Variants in SLF2 observed in about 807,000 individuals in gnomAD.
SLF2 encodes the protein SMC5-SMC6 complex localization factor protein 2.
Under a neutral mutation model 124.3 loss-of-function variants are expected in SLF2, and 68 were observed. The observed-to-expected ratio is 0.55, with a 90% CI of 0.45 to 0.67. SLF2 has a LOEUF of 0.67. SLF2 is among the 30% of genes least tolerant of loss of function. SLF2 has a pLI of 0.00. For missense variants in SLF2, 1,246 were observed against 1,373.7 expected (o/e 0.91, Z 1.47); for synonymous variants, 480 against 478.8 (o/e 1.00, Z -0.03).
Position 100,944,129 on chromosome 10 carries a change from G to A in SLF2, c.2757+1G>A, listed in dbSNP as rs1226230264. The A allele has an allele frequency of 1.3e-6, 2 of 1,592,994 alleles. No homozygotes were observed. The highest frequency in any genetic ancestry group is 1.7e-6 in the Non-Finnish European group (2 of 1,163,190). ...AACCAACATTTTAAATGTGGTTAAG[G>A]TAGGAAAGAACTTTTATGTGTCTTC... On this transcript the variant is annotated splice_donor_variant, in intron 12 of 19. Coordinates refer to ENST00000238961, the MANE Select transcript of SLF2 (RefSeq NM_018121.4). LOFTEE classifies it high-confidence loss of function.
intron 4 of SLF2, among the ~76,000 whole-genome samples, chr10:100,923,476 G>GT (rs1015039374): frequency 2.7e-5 from 4 of 149,028 alleles, no homozygotes; most frequent in African/African-American, 9.9e-5. Flanking sequence ...GACACCTTTT[G>GT]TAAGTACACC....
chr10:100,937,673 A>G (rs1849892514), intron 10 of SLF2, among the ~76,000 whole-genome samples, 196 bp downstream of exon 10: 1 of 152,042 alleles, frequency 6.6e-6, no homozygotes, highest in South Asian at 2.1e-4. Flanking sequence ...CAGTGACACA[A>G]TCTCAGCTCA....
intron 1 of SLF2, 59 bp from the exon 2 acceptor site, chr10:100,915,940 T>C: frequency 7.8e-7 from 1 of 1,283,624 alleles, no homozygotes. Context: ...CCATTTAATC[T>C]GAGTTATGAA....
intron 19 of SLF2, 24 bp downstream of exon 19, chr10:100,959,520 A>G: frequency 6.2e-7 from 1 of 1,611,156 alleles, no homozygotes; most frequent in Non-Finnish European, 8.5e-7. Context: ...ATACAATTTC[A>G]TGTATTCTTA....
intron 18 of SLF2, among the ~76,000 whole-genome samples, chr10:100,957,750 T>C (rs1464349814): frequency 6.6e-6 from 1 of 152,122 alleles, no homozygotes; most frequent in Non-Finnish European, 1.5e-5. Flanking sequence ...CTTTTTTTCT[T>C]AAAGGTTTTA....
intron 10 of SLF2, among the ~76,000 whole-genome samples, chr10:100,938,035 C>G (rs562776522): frequency 2.2e-4 from 34 of 152,302 alleles, no homozygotes; most frequent in Middle Eastern, 6.8e-3. Flanking sequence ...TTTACCAAAT[C>G]ATGGCTTACT....
chr10:100,944,303 G>A (rs1053591182), intron 12 of SLF2, among the ~76,000 whole-genome samples, 175 bp downstream of exon 12: 6 of 151,878 alleles, frequency 4.0e-5, no homozygotes, highest in Admixed American at 1.3e-4. Context: ...AGACCATCCT[G>A]GCTAACACGG....
At chr10:100,945,623 A>G in intron 13 of SLF2, 117 bp downstream of exon 13, 1 of 799,506 alleles carries the variant, frequency 1.3e-6, no homozygotes, top group Admixed American at 4.2e-5. Flanking sequence ...TTAAAAATGA[A>G]CTGAGGAAGG....
At chr10:100,922,136 T>C (rs1222279334) in intron 4 of SLF2, among the ~76,000 whole-genome samples, 2 of 152,172 alleles carry the variant, frequency 1.3e-5, no homozygotes, top group Non-Finnish European at 2.9e-5. Context: ...CAGGCTGGAG[T>C]GCAATGGCAC....
intron 9 of SLF2, among the ~76,000 whole-genome samples, chr10:100,933,356 T>C (rs796100082): frequency 6.6e-6 from 1 of 152,224 alleles, no homozygotes; most frequent in Non-Finnish European, 1.5e-5. Flanking sequence ...TTAAACACTT[T>C]CCCTGTGTAA....
intron 6 of SLF2, among the ~76,000 whole-genome samples, chr10:100,928,540 T>C (rs1013225993): frequency 6.6e-6 from 1 of 152,162 alleles, no homozygotes; most frequent in Non-Finnish European, 1.5e-5. Flanking sequence ...ACAGTACATT[T>C]ACTAGTTATT....
Position 100,922,393 on chromosome 10 carries a change from G to C in SLF2, c.974-1582G>C, listed in dbSNP as rs574112213. Among the ~76,000 whole-genome samples the C allele has an allele frequency of 3.2e-4, 48 of 152,204 alleles. No individual in the cohort carries two copies. The South Asian group carries it at 9.9e-3, about 31-fold the overall frequency. ...ATAAGAAATTTTCTAACTAGAGAAG[G>C]GATTGACGGGGTTGTACTTTTCGCA... On this transcript the variant is annotated intron_variant, in intron 4 of 19. Coordinates refer to ENST00000238961, the MANE Select transcript of SLF2 (RefSeq NM_018121.4).
chr10:100,929,753 C>G, intron 7 of SLF2, 77 bp from the exon 8 acceptor site: 1 of 1,173,376 alleles, frequency 8.5e-7, no homozygotes, highest in Non-Finnish European at 1.2e-6. Flanking sequence ...AAATGGTTTT[C>G]TTTGCACCCA....
intron 11 of SLF2, among the ~76,000 whole-genome samples, chr10:100,941,998 T>G (rs1849990664): frequency 6.6e-6 from 1 of 152,208 alleles, no homozygotes; most frequent in Non-Finnish European, 1.5e-5. Context: ...TGTAATATAC[T>G]AACATTTGTA....
In SLF2 at chr10:100,913,176, C is replaced by T. The variant is rs748225384; in HGVS notation, c.66C>T (p.Pro22=). ...FPSSPAPGSS[P]PRCHLRPGST... ...CATCCCCAGCCCCGGGGTCGTCGCC[C>T]CCGCGCTGCCATCTGAGACCCGGTA... Residue 22 remains proline, a synonymous_variant, in exon 1 of 20, where the codon CCC becomes CCT. Coordinates refer to ENST00000238961, the MANE Select transcript of SLF2 (RefSeq NM_018121.4). 3.0e-5 allele frequency: 48 copies of T among 1,613,298 alleles called. No individual in the cohort carries two copies. The highest frequency in any genetic ancestry group is 3.8e-5 in the Non-Finnish European group (45 of 1,179,774).
In SLF2 at chr10:100,947,862, A is replaced by AT. The variant is rs1449757094; in HGVS notation, c.3120+20dup. The AT allele has an allele frequency of 7.0e-6, 11 of 1,567,566 alleles. No homozygotes were observed. In the South Asian group the frequency reaches 1.2e-4, roughly 17 times the overall value. On this transcript the variant is annotated intron_variant, in intron 15 of 19. Coordinates refer to ENST00000238961, the MANE Select transcript of SLF2 (RefSeq NM_018121.4). ...GTAATCTGCAGGTATAAATAAATAC[A>AT]TTTTTATTTTTAATAAATGGGAGAG...
chr10:100,961,988 T>TAATCCTTTC lies in SLF2; in HGVS notation c.*76_*77insAATCCTTTC. The TAATCCTTTC allele has an allele frequency of 7.4e-7, 1 of 1,346,776 alleles. No individual in the cohort carries two copies. The highest frequency in any genetic ancestry group is 1.0e-6 in the Non-Finnish European group (1 of 969,864). The allele number at this position is 1,346,776 out of a possible 1,614,324, so 83.4% of individuals were successfully genotyped here. A position where few individuals can be genotyped will look rare whatever the true frequency, so the allele number is the denominator to read the frequency against. The stretch of plus-strand genomic sequence containing the variant: ...TTTCATAGAGGAGTAGAAAGGATTA[T>TAATCCTTTC]TACAGAATCCAATGAATGCCAAGAA... On this transcript the variant is annotated 3_prime_UTR_variant, in exon 20 of 20. Coordinates refer to ENST00000238961, the MANE Select transcript of SLF2 (RefSeq NM_018121.4).
chr10:100,946,166 C>T (rs1034586508), intron 13 of SLF2, among the ~76,000 whole-genome samples: 1 of 151,994 alleles, frequency 6.6e-6, no homozygotes, highest in African/African-American at 2.4e-5. Flanking sequence ...ATAATAAATT[C>T]CTAAGTATCA....
intron 17 of SLF2, among the ~76,000 whole-genome samples, chr10:100,955,096 C>G (rs199683369): frequency 6.6e-6 from 1 of 151,978 alleles, no homozygotes; most frequent in South Asian, 2.1e-4. Flanking sequence ...CCCGCCACCA[C>G]GCCCGGCTAA....
Sources: gnomAD v4.1 joint callset for allele counts (sites outside exome capture counted in the v4.1 genomes callset) on GRCh38, gnomAD v4.1.1 for gene constraint, MANE v1.5 for transcripts, NCBI Gene and HGNC (gene_info 2026-07-23, HGNC 2026-07-21) for gene names.